Variants in RRP12 observed in about 807,000 individuals in gnomAD.
The protein encoded by RRP12 is ribosomal RNA processing 12 homolog.
A neutral mutation model predicts 157.3 loss-of-function variants in RRP12; 78 were observed. The observed-to-expected ratio is 0.50, with a 90% CI of 0.41 to 0.60. The LOEUF is 0.60. Among genes scored for constraint, RRP12 ranks in the 20% least tolerant of loss-of-function variants. The pLI is 0.00. For synonymous variants in RRP12, 726 were observed against 670.9 expected (o/e 1.08, Z -1.27); for missense variants, 1,521 against 1,679.9 (o/e 0.91, Z 1.65).
At chr10:97,393,954 G>T (rs1844884080) in intron 3 of RRP12, among the ~76,000 whole-genome samples, 194 bp from the exon 4 acceptor site, 1 of 152,188 alleles carries the variant, frequency 6.6e-6, no homozygotes, top group Admixed American at 6.5e-5. Flanking sequence ...TTCTTCATTT[G>T]TAAAGTAGGG....
At chr10:97,399,749 T>TA (rs113947828) in intron 2 of RRP12, among the ~76,000 whole-genome samples, 407 of 113,776 alleles carry the variant, frequency 3.6e-3, no homozygotes, top group African/African-American at 6.8e-3. Context: ...TTAAATATAC[T>TA]AAAAAAAAAA....
At chr10:97,386,989 CAA>C (rs138567327) in intron 8 of RRP12, among the ~76,000 whole-genome samples, 56,579 of 143,566 alleles carry the variant, frequency 0.39, 11,094 homozygotes, top group African/African-American at 0.51. Flanking sequence ...GACTCCATCA[CAA>C]AAAAAAAAAG....
intron 10 of RRP12, among the ~76,000 whole-genome samples, chr10:97,383,051 T>C (rs1215306512): frequency 6.6e-6 from 1 of 152,224 alleles, no homozygotes; most frequent in African/African-American, 2.4e-5. Flanking sequence ...CGTGAGCCAC[T>C]GTGCCAGGCC....
rs1224208113 is a variant in RRP12, at chr10:97,363,857, C to G, written c.3564G>C (p.Arg1188Ser). The G allele has an allele frequency of 6.2e-7, 1 of 1,614,006 alleles. No individual in the cohort carries two copies. Among genetic ancestry groups the G allele is most frequent in the Non-Finnish European group, 8.5e-7 (1 of 1,179,864 alleles). The change falls in exon 30 of 34, where the codon AGG becomes AGC. Residue 1188 changes from arginine to serine, a missense_variant. Physicochemically the swap from Arg to Ser is moderately radical, Grantham distance 110. Coordinates refer to ENST00000370992, the MANE Select transcript of RRP12 (RefSeq NM_015179.4). ...MADPMEDVII[R>S]NKKHQKLKHQ... The stretch of plus-strand genomic sequence containing the variant: ...CCCATCTGCAGGAACTACTCACATT[C>G]CTGATGATCACATCTTCCATTGGGT...
chr10:97,369,273 A>G (rs1329191078), intron 25 of RRP12, 152 bp downstream of exon 25: 3 of 759,560 alleles, frequency 3.9e-6, no homozygotes, highest in Non-Finnish European at 6.2e-6. Context: ...TCCACCTGAC[A>G]GGCATTCCCC....
At chr10:97,376,495 G>A (rs1236966360) in intron 15 of RRP12, among the ~76,000 whole-genome samples, 4 of 152,192 alleles carry the variant, frequency 2.6e-5, no homozygotes, top group East Asian at 1.9e-4. Flanking sequence ...TTACAGGCAC[G>A]AGCCACTGCG....
At chr10:97,372,897 G>GC (rs943500235) in intron 18 of RRP12, 94 bp from the exon 19 acceptor site, 2 of 1,438,432 alleles carry the variant, frequency 1.4e-6, no homozygotes, top group South Asian at 1.2e-5. Flanking sequence ...CTCCCCATCA[G>GC]CCCCCAGCCC....
intron 17 of RRP12, 150 bp downstream of exon 17, chr10:97,373,425 T>C: frequency 5.9e-6 from 6 of 1,024,458 alleles, no homozygotes; most frequent in Non-Finnish European, 8.3e-6. Flanking sequence ...AGCAAAGTTA[T>C]CCCCTGGGGT....
At chr10:97,366,270 C>T in intron 28 of RRP12, 37 bp from the exon 29 acceptor site, 2 of 1,606,170 alleles carry the variant, frequency 1.2e-6, no homozygotes, top group South Asian at 2.2e-5. Context: ...GGTGGAAGGC[C>T]AGTCCCATGC....
intron 20 of RRP12, chr10:97,371,855 C>T (rs769643218): frequency 6.0e-5 from 29 of 480,824 alleles, no homozygotes; most frequent in South Asian, 3.0e-4. Context: ...TCACTCAGCA[C>T]GCAAGGCCTA....
chr10:97,372,590 A>G, intron 19 of RRP12, 146 bp downstream of exon 19: 1 of 706,734 alleles, frequency 1.4e-6, no homozygotes, highest in South Asian at 1.7e-5. Context: ...GGAACTAGTC[A>G]GCACAGCCTC....
At chr10:97,380,973 G>T (rs1358757156) in intron 12 of RRP12, 60 bp from the exon 13 acceptor site, 13 of 1,361,262 alleles carry the variant, frequency 9.5e-6, no homozygotes, top group Non-Finnish European at 1.3e-5. Context: ...CCCCACCAGA[G>T]AAAGTCAACG....
rs763885424 is a variant in RRP12 at position 97,393,773 on chromosome 10, T to C, written c.454-13A>G. ...CCATTGTTGTCATCTGAGGGCCAGA[T>C]TGAGGGGGTTTGAATGGATAAAAAC... On this transcript the variant is annotated splice_polypyrimidine_tract_variant and intron_variant, in intron 3 of 33. Coordinates refer to ENST00000370992, the MANE Select transcript of RRP12 (RefSeq NM_015179.4). 4.3e-6 allele frequency: 7 copies of C among 1,610,744 alleles called. No homozygotes were observed. The highest frequency in any genetic ancestry group is 5.9e-6 in the Non-Finnish European group (7 of 1,177,596).
At chr10:97,395,613 G>A (rs952743696) in intron 3 of RRP12, among the ~76,000 whole-genome samples, 2 of 151,788 alleles carry the variant, frequency 1.3e-5, no homozygotes, top group Admixed American at 1.3e-4. Flanking sequence ...CACTTTGGGA[G>A]GCTGAGGCAG....
rs867382673 is a variant in RRP12 at position 97,401,330 on chromosome 10, C to T, written c.-99G>A. The T allele has an allele frequency of 6.9e-7, 1 of 1,455,670 alleles. No homozygotes were observed. The highest frequency in any genetic ancestry group is 1.2e-5 in the South Asian group (1 of 81,262). The allele number at this position is 1,455,670 out of a possible 1,614,324, so 90.2% of individuals were successfully genotyped here. A position where few individuals can be genotyped will look rare whatever the true frequency, so the allele number is the denominator to read the frequency against. ...CGTGGATACCCTGTAGCCTTCACTT[C>T]CTCTTCTTCTGGCGTCACTTCCGGA... On this transcript the variant is annotated 5_prime_UTR_variant, in exon 1 of 34. Transcript: ENST00000370992.
chr10:97,393,511 T>C, intron 4 of RRP12, 173 bp downstream of exon 4: 2 of 694,666 alleles, frequency 2.9e-6, no homozygotes, highest in East Asian at 2.6e-5. Context: ...AGTTTCTCAC[T>C]AGAGGCCTAC....
intron 31 of RRP12, among the ~76,000 whole-genome samples, chr10:97,359,262 C>T (rs1843784806): frequency 6.6e-6 from 1 of 152,210 alleles, no homozygotes; most frequent in Admixed American, 6.5e-5. Flanking sequence ...TCTGGGAACA[C>T]ATATATTCTC....
In RRP12 at chr10:97,369,415, G is replaced by A. The variant is rs568739969; in HGVS notation, c.2955+10C>T. The A allele has an allele frequency of 1.2e-6, 2 of 1,610,880 alleles. No individual in the cohort carries two copies. Among genetic ancestry groups the A allele is most frequent in the African/African-American group, 1.3e-5 (1 of 74,996 alleles). ...CCCTGCTACCTGCTAAGGGGAACGG[G>A]GACACTCACCACCAGCTGCACATGT... is the stretch of plus-strand genomic sequence containing the variant. On this transcript the variant is annotated intron_variant, in intron 25 of 33. Coordinates refer to ENST00000370992, the MANE Select transcript of RRP12 (RefSeq NM_015179.4).
Position 97,401,323 on chromosome 10 carries a change from T to C in RRP12, c.-92A>G. 1 of 1,482,710 alleles carries C rather than the reference T, an allele frequency of 6.7e-7. No homozygotes were observed. The highest frequency in any genetic ancestry group is 9.3e-7 in the Non-Finnish European group (1 of 1,080,234). 91.8% of individuals were successfully genotyped at this position (1,482,710 alleles called of 1,614,324 possible). ...GAACCCACGTGGATACCCTGTAGCC[T>C]TCACTTCCTCTTCTTCTGGCGTCAC... On this transcript the variant is annotated 5_prime_UTR_variant, in exon 1 of 34. Transcript: ENST00000370992.
Sources: allele counts gnomAD v4.1 joint callset (sites outside exome capture counted in the v4.1 genomes callset), GRCh38; gene constraint gnomAD v4.1.1; transcripts MANE v1.5; gene names NCBI Gene and HGNC (gene_info 2026-07-23, HGNC 2026-07-21).